The following ATL1 variants were observed in gnomAD, a reference collection of about 807,000 sequenced individuals.
ATL1 encodes atlastin-1.
In ATL1, 31 loss-of-function variants were observed where a neutral mutation model predicts 75.5. The observed-to-expected ratio is 0.41, with a 90% confidence interval of 0.31 to 0.55. The LOEUF is 0.55. ATL1 is among the 20% of genes least tolerant of loss of function. The pLI is 0.27. For synonymous variants in ATL1, 226 were observed against 233.3 expected, an observed-to-expected ratio of 0.97 and a Z score of 0.28; for missense variants, 405 against 662.6, an observed-to-expected ratio of 0.61 and a Z score of 4.27.
At chr14:50,632,161 A>G (rs1179633451) in intron 13 of ATL1, 68 bp from the exon 14 acceptor site, 1 of 1,168,960 alleles carries the variant, frequency 8.6e-7, no homozygotes, top group Non-Finnish European at 1.2e-6. Context: ...ACGATAAACT[A>G]AAAAGGAAAA....
chr14:50,555,968 G>A (rs180975683), upstream of ATL1, among the ~76,000 whole-genome samples: 4 of 152,262 alleles, frequency 2.6e-5, no homozygotes, highest in East Asian at 7.7e-4. Flanking sequence ...AGGAAAATGA[G>A]CATGGTGAAA....
At chr14:50,559,195 G>A (rs1196352224), upstream of ATL1, 1 of 152,170 alleles carries the variant, frequency 6.6e-6, no homozygotes, top group Non-Finnish European at 1.5e-5. Context: ...CTTACCATGA[G>A]GAATTAGCAG....
At chr14:50,590,494 C>A (rs763603056) in intron 2 of ATL1, among the ~76,000 whole-genome samples, 3 of 152,104 alleles carry the variant, frequency 2.0e-5, no homozygotes, top group South Asian at 2.1e-4. Context: ...TTCTGGAATG[C>A]CTTCTCCAAA....
intron 1 of ATL1, among the ~76,000 whole-genome samples, chr14:50,586,747 GT>G: frequency 6.6e-6 from 1 of 152,058 alleles, no homozygotes; most frequent in Non-Finnish European, 1.5e-5. Flanking sequence ...TGGGATGAAA[GT>G]TTTGACTCTT....
chr14:50,621,449 G>A (rs1007400205), intron 9 of ATL1, among the ~76,000 whole-genome samples: 4 of 152,224 alleles, frequency 2.6e-5, no homozygotes, highest in African/African-American at 9.7e-5. Flanking sequence ...GTGTAACACT[G>A]TGGAGGTGCT....
chr14:50,555,119 G>T (rs922474447), intron 1 of ATL1, among the ~76,000 whole-genome samples: 1 of 152,136 alleles, frequency 6.6e-6, no homozygotes, highest in Non-Finnish European at 1.5e-5. Context: ...AGAGAGAATG[G>T]ATATATTCAC....
In ATL1 at chr14:50,621,752, G is replaced by T. The variant is rs1759514217; in HGVS notation, c.991-91G>T. 4 of 793,130 alleles carry T rather than the reference G, an allele frequency of 5.0e-6. No homozygotes were observed. In the African/African-American group the frequency reaches 5.3e-5, roughly 10 times the overall value. 49.1% of individuals were successfully genotyped at this position (793,130 alleles called of 1,614,324 possible). On this transcript the variant is annotated intron_variant, in intron 9 of 13. Coordinates refer to ENST00000358385, the MANE Select transcript of ATL1 (RefSeq NM_015915.5). ...TTATAAGTTCCTGAAAATATTTTTTGAAATGTCAAGAACTTAGAATGCAAT... is the reference window on the plus strand; with the variant it reads ...TTATAAGTTCCTGAAAATATTTTTTTAAATGTCAAGAACTTAGAATGCAAT...
At chr14:50,561,898 C>G (rs185202184) in intron 1 of ATL1, among the ~76,000 whole-genome samples, 8 of 152,264 alleles carry the variant, frequency 5.3e-5, no homozygotes, top group Admixed American at 5.2e-4. Flanking sequence ...AATTAGGGTG[C>G]GTATATTCAA....
intron 8 of ATL1, among the ~76,000 whole-genome samples, chr14:50,619,951 A>G (rs2039451360): frequency 6.6e-6 from 1 of 152,126 alleles, no homozygotes; most frequent in Admixed American, 6.5e-5. Flanking sequence ...AAAACCACAA[A>G]CAAGACTTAA....
chr14:50,597,220 C>CAAGAAAAAAAAAAAAAAA (rs2039226995), intron 6 of ATL1, among the ~76,000 whole-genome samples: 1 of 108,404 alleles, frequency 9.2e-6, no homozygotes, highest in Admixed American at 9.6e-5. Context: ...AAAAAACAAA[C>CAAGAAAAAAAAAAAAAAA]AAAAAAAAAA....
At chr14:50,591,745 A>G (rs2140205648) in intron 4 of ATL1, 106 bp downstream of exon 4, 6 of 832,214 alleles carry the variant, frequency 7.2e-6, no homozygotes, top group African/African-American at 1.7e-5. Context: ...ATTGGGAATC[A>G]TATATATTGT....
At chr14:50,618,324 A>T (rs1489155805) in intron 8 of ATL1, among the ~76,000 whole-genome samples, 1 of 152,224 alleles carries the variant, frequency 6.6e-6, no homozygotes, top group Non-Finnish European at 1.5e-5. Context: ...GAACGTGGTA[A>T]CATAAATACA....
chr14:50,578,085 C>T (rs1364646185), intron 1 of ATL1, among the ~76,000 whole-genome samples: 1 of 152,004 alleles, frequency 6.6e-6, no homozygotes, highest in Admixed American at 6.5e-5. Flanking sequence ...TATTTATTCT[C>T]TCATGTAATA....
chr14:50,587,826 A>G lies in ATL1; in HGVS notation c.35-5A>G. The G allele has an allele frequency of 1.2e-6, 2 of 1,614,212 alleles. No individual in the cohort carries two copies. Among genetic ancestry groups the G allele is most frequent in the Non-Finnish European group, 1.7e-6 (2 of 1,180,032 alleles). ...AGCTGAACCAGTCACTGCTCTGTTC[A>G]ACAGGTGGATTTTCGGAAAAGACAT... is the stretch of plus-strand genomic sequence containing the variant. On this transcript the variant is annotated splice_polypyrimidine_tract_variant and splice_region_variant and intron_variant, in intron 1 of 13. Coordinates refer to ENST00000358385, the MANE Select transcript of ATL1 (RefSeq NM_015915.5).
At chr14:50,613,697 C>T (rs951804481) in intron 7 of ATL1, among the ~76,000 whole-genome samples, 1 of 152,140 alleles carries the variant, frequency 6.6e-6, no homozygotes, top group Non-Finnish European at 1.5e-5. Flanking sequence ...CTTCCACTTT[C>T]TGTGTCGTGC....
intron 10 of ATL1, among the ~76,000 whole-genome samples, chr14:50,622,333 A>T (rs2039475053): frequency 6.6e-6 from 1 of 152,074 alleles, no homozygotes; most frequent in Non-Finnish European, 1.5e-5. Flanking sequence ...GTTTGAGTCC[A>T]GCCTGGGCAA....
chr14:50,612,829 C>T (rs576217952), intron 6 of ATL1, among the ~76,000 whole-genome samples: 45 of 152,198 alleles, frequency 3.0e-4, no homozygotes, highest in African/African-American at 1.1e-3. Context: ...CGCATACATA[C>T]ATATCATTTC....
At chr14:50,631,056 C>T (rs1009111212) in intron 13 of ATL1, 29 of 387,394 alleles carry the variant, frequency 7.5e-5, no homozygotes, top group South Asian at 2.9e-4. Flanking sequence ...GTCAGGAGTT[C>T]GAGACCAGCC....
chr14:50,577,124 G>A (rs1262804898), intron 1 of ATL1, among the ~76,000 whole-genome samples: 14 of 152,066 alleles, frequency 9.2e-5, no homozygotes, highest in African/African-American at 3.1e-4. Context: ...ATGCAGTGGC[G>A]CAATCTCAGC....
Sources: gnomAD v4.1 joint callset for allele counts (sites outside exome capture counted in the v4.1 genomes callset) on GRCh38, gnomAD v4.1.1 for gene constraint, MANE v1.5 for transcripts, NCBI Gene and HGNC (gene_info 2026-07-23, HGNC 2026-07-21) for gene names.